The following DPP10 variants were observed in gnomAD, a reference collection of about 807,000 sequenced individuals.
DPP10 encodes dipeptidyl peptidase like 10, also known as inactive dipeptidyl peptidase 10.
Under a neutral mutation model 120.9 loss-of-function variants are expected in DPP10, and 33 were observed. That is an observed-to-expected ratio of 0.27 (90% CI 0.21 to 0.37). The LOEUF (loss-of-function observed/expected upper bound fraction) is 0.37. Ranked by LOEUF, DPP10 falls within the 10% of genes least tolerant of loss-of-function variation. The pLI, the probability that DPP10 is intolerant of heterozygous loss-of-function variation, is 1.00. For synonymous variants in DPP10, 337 were observed against 326.1 expected (o/e 1.03, Z -0.36); for missense variants, 816 against 942.8 (o/e 0.87, Z 1.76).
At chr2:115,268,685 G>A (rs529075165) in intron 1 of DPP10, among the ~76,000 whole-genome samples, 6 of 152,232 alleles carry the variant, frequency 3.9e-5, no homozygotes, top group African/African-American at 1.2e-4. Context: ...ATGTACTTTG[G>A]TGATTATGAT....
At chr2:114,477,423 A>G (rs1255917053) in intron 1 of DPP10, among the ~76,000 whole-genome samples, 2 of 152,244 alleles carry the variant, frequency 1.3e-5, no homozygotes, top group Middle Eastern at 3.4e-3. Flanking sequence ...ACATATATAC[A>G]CATATATGTA....
At position 115,814,928 on chromosome 2, in the gene DPP10, G is replaced by T. The variant is rs368074668; in HGVS notation, c.1836G>T (p.Leu612Phe). The change falls in exon 20 of 26, where the codon TTG becomes TTT. Residue 612 changes from leucine to phenylalanine, a missense_variant. Coordinates refer to ENST00000410059, the MANE Select transcript of DPP10 (RefSeq NM_020868.6). ...RGSGFQGLKILQEIHRRLGSV... is the reference protein window; with the variant it reads ...RGSGFQGLKIFQEIHRRLGSV... ...GTGGATTCCAGGGTCTGAAAATTTT[G>T]CAGGAGATTCATCGAAGATTAGGTT... 2.0e-5 allele frequency: 32 copies of T among 1,612,438 alleles called. No individual in the cohort carries two copies. The highest frequency in any genetic ancestry group is 2.1e-5 in the Non-Finnish European group (25 of 1,178,910).
intron 1 of DPP10, among the ~76,000 whole-genome samples, chr2:114,908,260 T>C (rs1449972622): frequency 6.6e-6 from 1 of 152,146 alleles, no homozygotes; most frequent in East Asian, 1.9e-4. Flanking sequence ...TCTAGTCTAA[T>C]GATCTTTCAC....
At chr2:115,389,278 A>ACAC (rs2067166457) in intron 3 of DPP10, among the ~76,000 whole-genome samples, 1 of 149,644 alleles carries the variant, frequency 6.7e-6, no homozygotes, top group African/African-American at 2.4e-5. Flanking sequence ...CACACACACA[A>ACAC]ACACACACAC....
chr2:114,760,063 C>A (rs1680142937), intron 1 of DPP10, among the ~76,000 whole-genome samples: 1 of 152,234 alleles, frequency 6.6e-6, no homozygotes, highest in East Asian at 1.9e-4. Flanking sequence ...GCTATCATAT[C>A]TCTTCCATAA....
intron 2 of DPP10, among the ~76,000 whole-genome samples, chr2:115,328,682 A>T (rs2062510891): frequency 6.6e-6 from 1 of 152,106 alleles, no homozygotes; most frequent in Non-Finnish European, 1.5e-5. Flanking sequence ...AGAATCAAAC[A>T]TGCCAAAGCA....
chr2:114,452,018 G>A (rs943761397), intron 1 of DPP10, among the ~76,000 whole-genome samples: 6 of 152,188 alleles, frequency 3.9e-5, no homozygotes, highest in East Asian at 3.9e-4. Flanking sequence ...ATTAATATAT[G>A]GTCTTTAAAT....
intron 1 of DPP10, among the ~76,000 whole-genome samples, chr2:114,978,504 C>T (rs1699889033): frequency 6.6e-6 from 1 of 152,084 alleles, no homozygotes; most frequent in African/African-American, 2.4e-5. Context: ...TTGTCTATAA[C>T]AACATAGGGA....
At chr2:114,472,382 A>G (rs1307678100) in intron 1 of DPP10, among the ~76,000 whole-genome samples, 1 of 152,186 alleles carries the variant, frequency 6.6e-6, no homozygotes, top group African/African-American at 2.4e-5. Context: ...CAGAGAAAGG[A>G]TTTATAATTG....
chr2:114,642,089 G>A (rs930697358), intron 1 of DPP10, among the ~76,000 whole-genome samples: 3 of 151,998 alleles, frequency 2.0e-5, no homozygotes, highest in South Asian at 2.1e-4. Flanking sequence ...AGCCAGAATT[G>A]GTTGAGAGTT....
At chr2:114,765,042 G>C (rs1680592053) in intron 1 of DPP10, among the ~76,000 whole-genome samples, 1 of 151,990 alleles carries the variant, frequency 6.6e-6, no homozygotes, top group South Asian at 2.1e-4. Context: ...GTCCATATTG[G>C]GGCCATCATT....
chr2:115,226,723 A>G (rs1284338391), intron 1 of DPP10, among the ~76,000 whole-genome samples: 4 of 152,182 alleles, frequency 2.6e-5, no homozygotes, highest in Non-Finnish European at 5.9e-5. Flanking sequence ...TCAATTTGGT[A>G]TTTCCAGCAG....
intron 2 of DPP10, among the ~76,000 whole-genome samples, chr2:115,314,061 A>G (rs1304804938): frequency 1.3e-5 from 2 of 152,210 alleles, no homozygotes; most frequent in African/African-American, 4.8e-5. Flanking sequence ...TCTTGTTTTT[A>G]CATTTAATAT....
intron 1 of DPP10, among the ~76,000 whole-genome samples, chr2:114,955,533 C>A (rs1362002642): frequency 6.6e-6 from 1 of 152,200 alleles, no homozygotes; most frequent in Admixed American, 6.5e-5. Context: ...GAAACTAATA[C>A]TAATCCTCCT....
chr2:114,644,879 T>C (rs1573871526), intron 1 of DPP10, among the ~76,000 whole-genome samples: 1 of 152,042 alleles, frequency 6.6e-6, no homozygotes, highest in Admixed American at 6.5e-5. Flanking sequence ...TAAAAAAAGA[T>C]ACTGGACCAT....
intron 2 of DPP10, among the ~76,000 whole-genome samples, chr2:115,330,260 C>A (rs2062632679): frequency 6.6e-6 from 1 of 152,182 alleles, no homozygotes; most frequent in East Asian, 1.9e-4. Flanking sequence ...CTGTTCATAT[C>A]TTTTGCCCAC....
intron 21 of DPP10, among the ~76,000 whole-genome samples, chr2:115,835,127 C>T (rs1423170533): frequency 6.8e-6 from 1 of 147,148 alleles, no homozygotes; most frequent in East Asian, 2.0e-4. Context: ...CAGAGCAAGA[C>T]TCTGTCTAAA....
intron 3 of DPP10, among the ~76,000 whole-genome samples, chr2:115,467,501 C>T (rs764760188): frequency 6.0e-5 from 9 of 151,138 alleles, no homozygotes; most frequent in East Asian, 3.9e-4. Context: ...TGCTTTAACC[C>T]GGGAGGCAGA....
At chr2:114,506,467 A>G (rs185845405) in intron 1 of DPP10, among the ~76,000 whole-genome samples, 2 of 152,162 alleles carry the variant, frequency 1.3e-5, no homozygotes, top group African/African-American at 4.8e-5. Flanking sequence ...TTTAGGTGCC[A>G]TGAGTGCGGG....
Sources: gnomAD v4.1 joint callset for allele counts (sites outside exome capture counted in the v4.1 genomes callset) on GRCh38, gnomAD v4.1.1 for gene constraint, MANE v1.5 for transcripts, NCBI Gene and HGNC (gene_info 2026-07-23, HGNC 2026-07-21) for gene names.